COL14A1: variants seen among roughly 807,000 people sequenced by gnomAD.
COL14A1 encodes the protein collagen alpha-1(XIV) chain.
A neutral mutation model predicts 230.3 loss-of-function variants in COL14A1; 136 were observed. The ratio of observed to expected loss-of-function variants is 0.59; its 90% CI spans 0.51 to 0.68. The LOEUF (loss-of-function observed/expected upper bound fraction) is 0.68. Among genes scored for constraint, COL14A1 ranks in the 30% least tolerant of loss-of-function variants. The pLI, the probability that COL14A1 is intolerant of heterozygous loss-of-function variation, is 0.00. For missense variants in COL14A1, 1,976 were observed against 2,215.8 expected (o/e 0.89, Z 2.17); for synonymous variants, 792 against 784.1 (o/e 1.01, Z -0.17).
At chr8:120,266,694 G>C (rs546294050) in intron 24 of COL14A1, 133 bp from the exon 25 acceptor site, 2 of 737,984 alleles carry the variant, frequency 2.7e-6, no homozygotes, top group Admixed American at 4.3e-5. Flanking sequence ...CTGATTTATA[G>C]TACTCATTAA....
intron 1 of COL14A1, among the ~76,000 whole-genome samples, chr8:120,132,452 T>C (rs964175345): frequency 1.3e-5 from 2 of 152,204 alleles, no homozygotes; most frequent in African/African-American, 4.8e-5. Flanking sequence ...CTTTTTTGGT[T>C]ACTGTAGCCT....
intron 13 of COL14A1, 147 bp from the exon 14 acceptor site, chr8:120,216,204 G>T: frequency 1.6e-6 from 1 of 626,994 alleles, no homozygotes; most frequent in Non-Finnish European, 2.6e-6. Context: ...ATTTTTATGA[G>T]ACAATACACT....
At chr8:120,233,447 C>T (rs768267101) in intron 19 of COL14A1, among the ~76,000 whole-genome samples, 7 of 136,208 alleles carry the variant, frequency 5.1e-5, no homozygotes, top group African/African-American at 1.5e-4. Context: ...TTGAAACATG[C>T]GGTGTTTGGT....
chr8:120,200,749 ATATATATATATATATATT>A (rs1195190780), intron 8 of COL14A1, among the ~76,000 whole-genome samples: 123 of 78,136 alleles, frequency 1.6e-3, no homozygotes, highest in African/African-American at 5.6e-3. Flanking sequence ...ATATATATAT[ATATATATATATATATATT>A]ATTTTTCATC....
intron 19 of COL14A1, among the ~76,000 whole-genome samples, chr8:120,235,920 T>G (rs984898004): frequency 6.6e-6 from 1 of 152,206 alleles, no homozygotes; most frequent in Non-Finnish European, 1.5e-5. Flanking sequence ...CATGTAGTTG[T>G]GCAGTTTTGA....
At chr8:120,350,017 A>G (rs1242621141) in intron 45 of COL14A1, among the ~76,000 whole-genome samples, 3 of 140,352 alleles carry the variant, frequency 2.1e-5, no homozygotes, top group African/African-American at 8.5e-5. Flanking sequence ...AGGGAAGCCC[A>G]TCAGACTAAC....
At chr8:120,255,461 G>A in intron 23 of COL14A1, 105 bp downstream of exon 23, 1 of 870,872 alleles carries the variant, frequency 1.1e-6, no homozygotes, top group South Asian at 1.5e-5. Context: ...CAGCCCTCTT[G>A]TCAAGGAAGC....
At chr8:120,312,637 T>C (rs1441987542) in intron 37 of COL14A1, among the ~76,000 whole-genome samples, 1 of 152,152 alleles carries the variant, frequency 6.6e-6, no homozygotes, top group Non-Finnish European at 1.5e-5. Flanking sequence ...CTTAATAACC[T>C]CACCTATAAA....
At chr8:120,207,388 A>C (rs1586766163) in intron 10 of COL14A1, among the ~76,000 whole-genome samples, 1 of 149,030 alleles carries the variant, frequency 6.7e-6, no homozygotes, top group East Asian at 2.0e-4. Flanking sequence ...TCAGTAGCTA[A>C]TTATCTGGCC....
chr8:120,234,763 C>T (rs994718514), intron 19 of COL14A1, among the ~76,000 whole-genome samples: 2 of 152,120 alleles, frequency 1.3e-5, no homozygotes, highest in African/African-American at 4.8e-5. Flanking sequence ...AGGGTATTGG[C>T]CTGAAATGTT....
intron 1 of COL14A1, among the ~76,000 whole-genome samples, chr8:120,129,828 G>T (rs1011800761): frequency 6.6e-6 from 1 of 152,184 alleles, no homozygotes; most frequent in South Asian, 2.1e-4. Flanking sequence ...CATTAGCCCT[G>T]ATCATTCAGT....
intron 25 of COL14A1, among the ~76,000 whole-genome samples, chr8:120,269,287 C>T (rs187777375): frequency 1.4e-4 from 22 of 151,812 alleles, no homozygotes; most frequent in Middle Eastern, 6.8e-3. Context: ...GCACATGATA[C>T]CAAAAAAGAA....
intron 23 of COL14A1, among the ~76,000 whole-genome samples, chr8:120,262,262 C>A (rs1191496112): frequency 6.6e-6 from 1 of 151,980 alleles, no homozygotes; most frequent in Non-Finnish European, 1.5e-5. Flanking sequence ...CATCTAAGGT[C>A]AGGAATTCGA....
chr8:120,145,572 GCA>G (rs1349803584), intron 1 of COL14A1, among the ~76,000 whole-genome samples: 1 of 152,124 alleles, frequency 6.6e-6, no homozygotes, highest in Non-Finnish European at 1.5e-5. Context: ...TGAGCAGATC[GCA>G]CCGTTGCACT....
At chr8:120,130,970 C>T (rs1275089158) in intron 1 of COL14A1, among the ~76,000 whole-genome samples, 1 of 152,080 alleles carries the variant, frequency 6.6e-6, no homozygotes, top group East Asian at 1.9e-4. Context: ...ATATGTGGTA[C>T]TTGGTTTTCT....
At chr8:120,361,675 A>G (rs1823222900) in intron 45 of COL14A1, among the ~76,000 whole-genome samples, 1 of 152,196 alleles carries the variant, frequency 6.6e-6, no homozygotes, top group African/African-American at 2.4e-5. Context: ...TACAATTACA[A>G]TGGAAGCTTT....
At chr8:120,201,468 A>T (rs1297645608) in intron 8 of COL14A1, among the ~76,000 whole-genome samples, 2 of 152,180 alleles carry the variant, frequency 1.3e-5, no homozygotes, top group African/African-American at 4.8e-5. Flanking sequence ...AACACTACAA[A>T]TGAGGGCAGA....
chr8:120,274,767 C>G (rs1335424859), intron 26 of COL14A1, among the ~76,000 whole-genome samples: 1 of 151,518 alleles, frequency 6.6e-6, no homozygotes, highest in African/African-American at 2.4e-5. Context: ...ATAGACATAC[C>G]TAGGCATATA....
At chr8:120,296,975 A>C (rs1160496692) in intron 34 of COL14A1, among the ~76,000 whole-genome samples, 1 of 152,070 alleles carries the variant, frequency 6.6e-6, no homozygotes, top group African/African-American at 2.4e-5. Context: ...AAAAGTCTAC[A>C]TAGTATCTGG....
Sources: gnomAD v4.1 joint callset for allele counts (sites outside exome capture counted in the v4.1 genomes callset) on GRCh38, gnomAD v4.1.1 for gene constraint, MANE v1.5 for transcripts, NCBI Gene and HGNC (gene_info 2026-07-23, HGNC 2026-07-21) for gene names.